NCKAP5: variants seen among roughly 807,000 people sequenced by gnomAD.
NCKAP5 encodes the protein NCK associated protein 5, also known as nck-associated protein 5.
In NCKAP5, 92 loss-of-function variants were observed where a neutral mutation model predicts 167.0. That is an observed-to-expected ratio of 0.55 (90% CI 0.47 to 0.66). The LOEUF is 0.66. Among genes scored for constraint, NCKAP5 ranks in the 30% least tolerant of loss-of-function variants. The probability of loss-of-function intolerance (pLI) is 0.00; values close to 1 mark genes in which losing one functional copy is unlikely to be tolerated. For synonymous variants in NCKAP5, 891 were observed against 877.4 expected, an observed-to-expected ratio of 1.02 and a Z score of -0.27; for missense variants, 2,378 against 2,315.0, an observed-to-expected ratio of 1.03 and a Z score of -0.56.
At chr2:133,551,469 A>AC (rs1367065063) in intron 2 of NCKAP5, among the ~76,000 whole-genome samples, 1 of 85,246 alleles carries the variant, frequency 1.2e-5, no homozygotes, top group African/African-American at 4.9e-5. Flanking sequence ...TCTTTGACAA[A>AC]CCTGAGAAAA....
At chr2:133,272,373 G>T (rs1367256190) in intron 4 of NCKAP5, among the ~76,000 whole-genome samples, 1 of 152,016 alleles carries the variant, frequency 6.6e-6, no homozygotes, top group Non-Finnish European at 1.5e-5. Flanking sequence ...GGATAATAAA[G>T]ACTATATAAC....
At chr2:133,346,143 C>G (rs1683961787) in intron 3 of NCKAP5, among the ~76,000 whole-genome samples, 1 of 152,116 alleles carries the variant, frequency 6.6e-6, no homozygotes, top group Non-Finnish European at 1.5e-5. Flanking sequence ...TCTTACCTAA[C>G]CATGGAGAAG....
intron 3 of NCKAP5, among the ~76,000 whole-genome samples, chr2:133,444,380 A>T (rs149918507): frequency 3.1e-4 from 46 of 150,214 alleles, no homozygotes; most frequent in African/African-American, 1.2e-3. Context: ...AGATAGATAG[A>T]TAGATAGATA....
chr2:132,855,563 A>G (rs986731695), intron 11 of NCKAP5, among the ~76,000 whole-genome samples: 1 of 152,222 alleles, frequency 6.6e-6, no homozygotes, highest in African/African-American at 2.4e-5. Flanking sequence ...ACAGCGTGGG[A>G]AGCCAGGTAG....
At chr2:133,382,972 G>A (rs1574843317) in intron 3 of NCKAP5, among the ~76,000 whole-genome samples, 2 of 152,046 alleles carry the variant, frequency 1.3e-5, no homozygotes, top group Admixed American at 6.6e-5. Flanking sequence ...TAAAAGCCTT[G>A]TATTTAAGCA....
intron 2 of NCKAP5, among the ~76,000 whole-genome samples, chr2:133,535,111 T>A (rs993695325): frequency 1.4e-4 from 22 of 152,198 alleles, no homozygotes; most frequent in African/African-American, 5.3e-4. Flanking sequence ...TTCATGTGTT[T>A]ATTGGCTACT....
In NCKAP5 at chr2:133,531,392, C is replaced by T. The variant is rs186269578; in HGVS notation, c.-61-13805G>A. Among the ~76,000 whole-genome samples the T allele has an allele frequency of 3.4e-3, 514 of 151,946 alleles. 1 individual carries two copies. The highest frequency in any genetic ancestry group is 6.1e-3 in the Admixed American group (93 of 15,254). On this transcript the variant is annotated intron_variant, in intron 2 of 19. Transcript: ENST00000409261. ...TGAGAATTATTTACATTTTTTTCTA[C>T]TTACTTTTTCTAATTGGTTATAGGC...
intron 3 of NCKAP5, among the ~76,000 whole-genome samples, chr2:133,383,462 CATT>C (rs776508629): frequency 6.6e-4 from 100 of 152,270 alleles, no homozygotes; most frequent in South Asian, 2.1e-3. Context: ...TCCAGTCTAT[CATT>C]GTTGGACATT....
chr2:133,030,118 C>T (rs573821340), intron 6 of NCKAP5, among the ~76,000 whole-genome samples: 1 of 152,192 alleles, frequency 6.6e-6, no homozygotes, highest in Admixed American at 6.5e-5. Context: ...AATGCCGTCA[C>T]TGGTATAGAT....
At chr2:132,965,608 C>T (rs915142796) in intron 7 of NCKAP5, among the ~76,000 whole-genome samples, 2 of 152,126 alleles carry the variant, frequency 1.3e-5, no homozygotes, top group African/African-American at 2.4e-5. Flanking sequence ...TATATCCACA[C>T]ATACACATAC....
the NCKAP5 span, among the ~76,000 whole-genome samples, chr2:133,671,017 C>T: frequency 1.9e-4 from 29 of 152,024 alleles, 1 homozygote; most frequent in Admixed American, 6.6e-4. Context: ...AGATCGACAC[C>T]GTCCTGGCCA....
Position 132,728,804 on chromosome 2 carries a change from C to G in NCKAP5, c.5580+12G>C. The G allele has an allele frequency of 6.2e-7, 1 of 1,613,468 alleles. No homozygotes were observed. On this transcript the variant is annotated intron_variant, in intron 18 of 19. Coordinates refer to ENST00000409261, the MANE Select transcript of NCKAP5 (RefSeq NM_207363.3). Reference sequence around the variant, plus strand: ...AGGTGGATTGCACCCTTCACCTCCCCCGACCCCTCACCTGGGTCCCGGTGG... The same window carrying G: ...AGGTGGATTGCACCCTTCACCTCCCGCGACCCCTCACCTGGGTCCCGGTGG...
chr2:132,787,038 G>A lies in NCKAP5; in HGVS notation c.1093-1320C>T, dbSNP rs954421851. ...TGGTACTTGCAGAGTTTAGGGGGCT[G>A]ACCTAATGATTTCTTAAGAAGGCTA... On this transcript the variant is annotated intron_variant, in intron 13 of 19. Transcript: ENST00000409261. Among the ~76,000 whole-genome samples, 56 of 152,272 alleles carry A rather than the reference G, an allele frequency of 3.7e-4. 1 individual carries two copies. The highest frequency in any genetic ancestry group is 1.0e-4 in the Non-Finnish European group (7 of 68,020).
chr2:133,108,417 T>C (rs2081792212), intron 6 of NCKAP5, among the ~76,000 whole-genome samples: 1 of 152,176 alleles, frequency 6.6e-6, no homozygotes, highest in African/African-American at 2.4e-5. Flanking sequence ...TCCTTAACTC[T>C]TTCCCTTCAT....
At chr2:133,533,845 TTTTA>T (rs1314556521) in intron 2 of NCKAP5, among the ~76,000 whole-genome samples, 1 of 152,172 alleles carries the variant, frequency 6.6e-6, no homozygotes, top group Non-Finnish European at 1.5e-5. Flanking sequence ...TCAAAGACAA[TTTTA>T]TTTATTTCTT....
intron 3 of NCKAP5, among the ~76,000 whole-genome samples, chr2:133,354,283 TTC>T (rs1684559893): frequency 2.6e-5 from 4 of 151,694 alleles, no homozygotes; most frequent in African/African-American, 9.7e-5. Flanking sequence ...TCTTTCCCTT[TTC>T]TCTCTTTCCT....
chr2:133,165,836 T>G (rs2083977631), intron 5 of NCKAP5, among the ~76,000 whole-genome samples: 1 of 152,198 alleles, frequency 6.6e-6, no homozygotes, highest in African/African-American at 2.4e-5. Context: ...GGAAGATATT[T>G]CACTATAATC....
chr2:133,547,028 G>T (rs1432940915), intron 2 of NCKAP5, among the ~76,000 whole-genome samples: 2 of 152,144 alleles, frequency 1.3e-5, no homozygotes, highest in South Asian at 4.1e-4. Context: ...CGCGCACCGT[G>T]CGCGAGCTGA....
chr2:133,057,230 A>T, intron 6 of NCKAP5, among the ~76,000 whole-genome samples: 1 of 152,164 alleles, frequency 6.6e-6, no homozygotes, highest in East Asian at 1.9e-4. Flanking sequence ...GAGACATAAT[A>T]TTAAAATAAG....
Sources: gnomAD v4.1 joint callset for allele counts (sites outside exome capture counted in the v4.1 genomes callset) on GRCh38, gnomAD v4.1.1 for gene constraint, MANE v1.5 for transcripts, NCBI Gene and HGNC (gene_info 2026-07-23, HGNC 2026-07-21) for gene names.